DBF4B: variants seen among roughly 807,000 people sequenced by gnomAD.
The protein encoded by DBF4B is protein DBF4 homolog B.
In DBF4B, 49 loss-of-function variants were observed where a neutral mutation model predicts 53.4. The ratio of observed to expected loss-of-function variants is 0.92; its 90% confidence interval spans 0.73 to 1.16. The LOEUF (loss-of-function observed/expected upper bound fraction) is 1.16, where lower values mean the gene tolerates loss of function less well. Among genes scored for constraint, DBF4B ranks in the 50% most tolerant of loss-of-function variants. The probability of loss-of-function intolerance (pLI) is 0.00; values close to 1 mark genes in which losing one functional copy is unlikely to be tolerated. For missense variants in DBF4B, 692 were observed against 775.0 expected (o/e 0.89, Z 1.27); for synonymous variants, 257 against 288.7 (o/e 0.89, Z 1.11).
At chr17:44,731,348 G>A (rs191649301) in intron 5 of DBF4B, 2 of 289,116 alleles carry the variant, frequency 6.9e-6, no homozygotes, top group South Asian at 3.3e-5. Flanking sequence ...GGTGGCTCAC[G>A]CCTATAATCC....
intron 10 of DBF4B, among the ~76,000 whole-genome samples, chr17:44,744,717 C>T (rs1452405586): frequency 6.6e-6 from 1 of 152,184 alleles, no homozygotes; most frequent in African/African-American, 2.4e-5. Context: ...GGCTGTTTCC[C>T]ATCCCCTTGC....
chr17:44,712,387 C>T (rs1345879170), intron 2 of DBF4B, among the ~76,000 whole-genome samples: 1 of 146,268 alleles, frequency 6.8e-6, no homozygotes, highest in African/African-American at 2.5e-5. Flanking sequence ...TCACTGCAAC[C>T]TCTGCCTCCT....
chr17:44,734,069 A>G (rs1218030785), intron 6 of DBF4B, 21 bp from the exon 7 acceptor site: 2 of 1,606,220 alleles, frequency 1.2e-6, no homozygotes, highest in Non-Finnish European at 1.7e-6. Context: ...CTTTGGCACA[A>G]ACCCTCTGTC....
At chr17:44,712,668 T>C (rs1229558442) in intron 2 of DBF4B, among the ~76,000 whole-genome samples, 1 of 151,978 alleles carries the variant, frequency 6.6e-6, no homozygotes, top group Non-Finnish European at 1.5e-5. Flanking sequence ...CTCGATTGCC[T>C]GACCTCACGA....
intron 1 of DBF4B, among the ~76,000 whole-genome samples, chr17:44,709,094 C>T (rs189756817): frequency 7.3e-4 from 111 of 152,092 alleles, no homozygotes; most frequent in African/African-American, 2.5e-3. Flanking sequence ...AGGTCACGGC[C>T]GTTGACTGAA....
intron 9 of DBF4B, 73 bp from the exon 10 acceptor site, chr17:44,741,263 G>T: frequency 9.4e-7 from 1 of 1,058,222 alleles, no homozygotes; most frequent in Non-Finnish European, 1.5e-6. Flanking sequence ...GAATTCTAGG[G>T]CATTGGGCGA....
intron 2 of DBF4B, chr17:44,720,305 C>A: frequency 4.3e-6 from 1 of 233,918 alleles, no homozygotes; most frequent in South Asian, 6.9e-5. Context: ...TACCACTGTT[C>A]TTGTCAACAC....
In DBF4B at chr17:44,751,270, C is replaced by T. The variant is rs370688870; in HGVS notation, c.*17C>T. ...TCAGGTTAGAGGTGAACCCAGAACA[C>T]CTGAGACTTGACCCAGGATGGATGG... On this transcript the variant is annotated 3_prime_UTR_variant, in exon 14 of 14. Transcript: ENST00000315005. 2 of 1,603,780 alleles carry T rather than the reference C, an allele frequency of 1.2e-6. No individual in the cohort carries two copies. Among genetic ancestry groups the T allele is most frequent in the East Asian group, 2.2e-5 (1 of 44,774 alleles).
At position 44,752,012 on chromosome 17, in the gene DBF4B, C is replaced by T. The variant is rs771001117; in HGVS notation, c.*759C>T. 15 of 1,529,146 alleles carry T rather than the reference C, an allele frequency of 9.8e-6. No individual in the cohort carries two copies. The South Asian group carries it at 1.7e-4, about 17-fold the overall frequency. 94.7% of individuals were successfully genotyped at this position (1,529,146 alleles called of 1,614,324 possible). A position where few individuals can be genotyped will look rare whatever the true frequency, so the allele number is the denominator to read the frequency against. ...GCCCTCCAGCCCTAACTACTTTACT[C>T]AGACTAGGTCCCCAGGCCTTTGTTC... On this transcript the variant is annotated 3_prime_UTR_variant, in exon 14 of 14. Coordinates refer to ENST00000315005, the MANE Select transcript of DBF4B (RefSeq NM_145663.3).
intron 10 of DBF4B, among the ~76,000 whole-genome samples, chr17:44,741,800 G>A (rs2145091606): frequency 6.6e-6 from 1 of 152,256 alleles, no homozygotes; most frequent in Non-Finnish European, 1.5e-5. Flanking sequence ...GTTTCCCCCA[G>A]AGCATGGACC....
At position 44,734,042 on chromosome 17, in the gene DBF4B, A is replaced by C. The variant is rs767353316; in HGVS notation, c.557-48A>C. On this transcript the variant is annotated intron_variant, in intron 6 of 13. Coordinates refer to ENST00000315005, the MANE Select transcript of DBF4B (RefSeq NM_145663.3). ...AGCCCAGGAAGGGGCTGTGCTAGGTAAGTGAAGACTGGAAGCCTTTGGCAC... is the reference window on the plus strand; with the variant it reads ...AGCCCAGGAAGGGGCTGTGCTAGGTCAGTGAAGACTGGAAGCCTTTGGCAC... 11 of 1,506,560 alleles carry C rather than the reference A, an allele frequency of 7.3e-6. No individual in the cohort carries two copies. The Admixed American group carries it at 1.2e-4, about 16-fold the overall frequency. 93.3% of individuals were successfully genotyped at this position (1,506,560 alleles called of 1,614,324 possible).
At chr17:44,736,661 CGTT>C (rs1568186730) in intron 7 of DBF4B, among the ~76,000 whole-genome samples, 166 bp from the exon 8 acceptor site, 1 of 152,104 alleles carries the variant, frequency 6.6e-6, no homozygotes, top group Non-Finnish European at 1.5e-5. Flanking sequence ...AAGAGGGAGC[CGTT>C]GTGCCCAGGT....
chr17:44,730,174 G>A (rs1190499184), intron 4 of DBF4B, 78 bp downstream of exon 4: 2 of 1,429,780 alleles, frequency 1.4e-6, no homozygotes, highest in African/African-American at 2.9e-5. Flanking sequence ...GGCAGTCTCT[G>A]GTTTTAATTT....
chr17:44,738,705 A>T (rs1257798669), intron 9 of DBF4B, among the ~76,000 whole-genome samples: 1 of 152,206 alleles, frequency 6.6e-6, no homozygotes, highest in African/African-American at 2.4e-5. Flanking sequence ...ACTCTGCTCT[A>T]TGAGCTCATG....
chr17:44,749,980 C>T lies in DBF4B; in HGVS notation c.1190-615C>T. 2 of 1,006,068 alleles carry T rather than the reference C, an allele frequency of 2.0e-6. No individual in the cohort carries two copies. The highest frequency in any genetic ancestry group is 2.4e-6 in the Non-Finnish European group (2 of 841,816). 62.3% of individuals were successfully genotyped at this position (1,006,068 alleles called of 1,614,324 possible). On this transcript the variant is annotated intron_variant, in intron 13 of 13. Transcript: ENST00000315005. The surrounding 1 kb of genome is among the most constrained non-coding windows in gnomAD (Gnocchi z 4.4). ...CACTCACAGAGCTCCCTCCCCCAGG[C>T]ACTTAGTTGGGGCCCAGCACTGACC...
chr17:44,709,895 C>A (rs1333964053), intron 2 of DBF4B, among the ~76,000 whole-genome samples: 1 of 151,446 alleles, frequency 6.6e-6, no homozygotes, highest in African/African-American at 2.4e-5. Flanking sequence ...TCTAGTTGGC[C>A]GGGCGCGGCT....
intron 3 of DBF4B, among the ~76,000 whole-genome samples, chr17:44,726,491 G>T (rs1309857979): frequency 6.7e-6 from 1 of 149,754 alleles, no homozygotes; most frequent in Non-Finnish European, 1.5e-5. Context: ...TTTACTCTTG[G>T]CGTCAAGCAA....
rs138984746 is a variant in DBF4B, at chr17:44,734,932, C to T, written c.630+769C>T. On this transcript the variant is annotated intron_variant, in intron 7 of 13. Coordinates refer to ENST00000315005, the MANE Select transcript of DBF4B (RefSeq NM_145663.3). ...CAGCCTGGCCAGTGTGGTGAAACCC[C>T]GACTGTGCTAAAAATACAAAAATTA... 2.5e-3 allele frequency among the ~76,000 whole-genome samples: 375 copies of T among 152,208 alleles called. 3 individuals are homozygous for T. Among genetic ancestry groups the T allele is most frequent in the Admixed American group, 4.3e-3 (66 of 15,286 alleles).
Position 44,747,272 on chromosome 17 carries a change from G to T in DBF4B, c.939+81G>T, listed in dbSNP as rs919918566. The T allele has an allele frequency of 3.8e-6, 6 of 1,594,690 alleles. No individual in the cohort carries two copies. The African/African-American group carries it at 6.7e-5, about 18-fold the overall frequency. ...CACTGGGGATGAGTCCTTCCTATGC[G>T]ATCTCTATGCTGCTATGGCTGTCCT... On this transcript the variant is annotated intron_variant, in intron 11 of 13. Coordinates refer to ENST00000315005, the MANE Select transcript of DBF4B (RefSeq NM_145663.3).
Sources: allele counts gnomAD v4.1 joint callset (sites outside exome capture counted in the v4.1 genomes callset), GRCh38; gene constraint gnomAD v4.1.1; non-coding constraint Gnocchi (gnomAD v3.1); transcripts MANE v1.5; gene names NCBI Gene and HGNC (gene_info 2026-07-23, HGNC 2026-07-21).